Variants in SIL1 observed in about 807,000 individuals in gnomAD.
SIL1 encodes the protein nucleotide exchange factor SIL1.
Under a neutral mutation model 49.1 loss-of-function variants are expected in SIL1, and 40 were observed. The ratio of observed to expected loss-of-function variants is 0.81; its 90% confidence interval spans 0.63 to 1.06. The LOEUF (loss-of-function observed/expected upper bound fraction) is 1.06, where lower values mean the gene tolerates loss of function less well. Ranked by LOEUF, SIL1 falls within the 50% of genes least tolerant of loss-of-function variation. The pLI is 0.00. For missense variants in SIL1, 500 were observed against 572.6 expected (o/e 0.87, Z 1.29); for synonymous variants, 253 against 250.8 (o/e 1.01, Z -0.08).
At chr5:139,051,163 G>A in intron 3 of SIL1, 117 bp from the exon 4 acceptor site, 1 of 859,652 alleles carries the variant, frequency 1.2e-6, no homozygotes, top group Non-Finnish European at 2.0e-6. Context: ...GCTGTGTTCA[G>A]TTACCTCCTC....
intron 3 of SIL1, among the ~76,000 whole-genome samples, chr5:139,088,795 C>T (rs1476451140): frequency 6.6e-6 from 1 of 152,170 alleles, no homozygotes; most frequent in Non-Finnish European, 1.5e-5. Context: ...AAAAACCTAA[C>T]CATTTTAGCC....
At chr5:138,987,860 G>C (rs532675440) in intron 7 of SIL1, among the ~76,000 whole-genome samples, 1 of 152,238 alleles carries the variant, frequency 6.6e-6, no homozygotes, top group Non-Finnish European at 1.5e-5. Flanking sequence ...TTTGAGACAA[G>C]AGTTTTGCTC....
chr5:139,063,394 T>A (rs768717213), intron 3 of SIL1, among the ~76,000 whole-genome samples: 3 of 152,166 alleles, frequency 2.0e-5, no homozygotes, highest in Non-Finnish European at 4.4e-5. Context: ...TGGAGACCCA[T>A]CCTGGGCATC....
In SIL1 at chr5:139,031,088, C is replaced by G. The variant is rs1483476373; in HGVS notation, c.454-4096G>C. On this transcript the variant is annotated intron_variant, in intron 5 of 9. Transcript: ENST00000394817. ...GTAGTTTATCTTCTGATCATCTTAA[C>G]AGGGTATTTGACAAAACAAAACTTT... 2.0e-5 allele frequency among the ~76,000 whole-genome samples: 3 copies of G among 152,216 alleles called. No individual in the cohort carries two copies. In the East Asian group the frequency reaches 5.8e-4, roughly 29 times the overall value.
intron 3 of SIL1, among the ~76,000 whole-genome samples, chr5:139,073,631 C>T (rs1020472315): frequency 7.9e-5 from 12 of 152,248 alleles, no homozygotes; most frequent in South Asian, 2.1e-4. Flanking sequence ...TATTGTATAA[C>T]ATGGTAACTA....
At chr5:139,164,666 A>AT (rs1751581281) in intron 1 of SIL1, among the ~76,000 whole-genome samples, 1 of 152,208 alleles carries the variant, frequency 6.6e-6, no homozygotes, top group Admixed American at 6.5e-5. Flanking sequence ...GGAGGTGGGT[A>AT]TCAGTACACA....
intron 5 of SIL1, among the ~76,000 whole-genome samples, chr5:139,031,433 G>C (rs887954105): frequency 3.3e-5 from 5 of 151,720 alleles, no homozygotes; most frequent in Non-Finnish European, 4.4e-5. Context: ...TATTAGTGTG[G>C]GTCTATTTCT....
At chr5:139,164,115 T>TC (rs1453829140) in intron 1 of SIL1, among the ~76,000 whole-genome samples, 51 of 55,664 alleles carry the variant, frequency 9.2e-4, no homozygotes, top group African/African-American at 4.9e-3. Flanking sequence ...AGAGAATGTC[T>TC]CAAAAAAAAA....
intron 4 of SIL1, 137 bp from the exon 5 acceptor site, chr5:139,042,856 T>G: frequency 5.1e-6 from 4 of 791,266 alleles, no homozygotes; most frequent in Non-Finnish European, 8.7e-6. Flanking sequence ...AAAATATTAG[T>G]TAGGATGTGA....
intron 7 of SIL1, among the ~76,000 whole-genome samples, chr5:139,010,352 T>A (rs1405906318): frequency 2.7e-4 from 40 of 150,102 alleles, no homozygotes; most frequent in Non-Finnish European, 3.7e-4. Flanking sequence ...GTTATTCTAG[T>A]TATACATTCT....
chr5:139,061,625 A>G (rs1413540958), intron 3 of SIL1, among the ~76,000 whole-genome samples: 1 of 152,248 alleles, frequency 6.6e-6, no homozygotes, highest in Admixed American at 6.5e-5. Flanking sequence ...AATGTGCTAC[A>G]TTGTTGTGAA....
rs541898714 is a variant in SIL1 at position 139,136,494 on chromosome 5, T to C, written c.-10-8641A>G. On this transcript the variant is annotated intron_variant, in intron 1 of 9. Coordinates refer to ENST00000394817, the MANE Select transcript of SIL1 (RefSeq NM_022464.5). ...CGGACCAAGCATAGTCTTCAACTCA[T>C]GGCTGCACGTTAGGAAAAGGGAGCA... Among the ~76,000 whole-genome samples, 82 of 152,186 alleles carry C rather than the reference T, an allele frequency of 5.4e-4. 1 individual carries two copies. Among genetic ancestry groups the C allele is most frequent in the Admixed American group, 1.0e-3 (16 of 15,276 alleles).
At chr5:139,140,644 T>C (rs577062266) in intron 1 of SIL1, among the ~76,000 whole-genome samples, 27 of 152,252 alleles carry the variant, frequency 1.8e-4, no homozygotes, top group African/African-American at 6.3e-4. Flanking sequence ...ACTCACGGCT[T>C]TCACAATCCC....
intron 7 of SIL1, among the ~76,000 whole-genome samples, chr5:138,984,913 T>C (rs1767620429): frequency 6.6e-6 from 1 of 152,178 alleles, no homozygotes; most frequent in South Asian, 2.1e-4. Flanking sequence ...CAGGCGCTAT[T>C]CTTCACAAAG....
At chr5:138,983,141 G>A (rs948730955) in intron 7 of SIL1, among the ~76,000 whole-genome samples, 2 of 131,442 alleles carry the variant, frequency 1.5e-5, no homozygotes, top group African/African-American at 2.9e-5. Flanking sequence ...AGAGGGTGCA[G>A]TGAGCCAAGA....
intron 3 of SIL1, among the ~76,000 whole-genome samples, chr5:139,092,290 A>G (rs1478602367): frequency 6.6e-6 from 1 of 152,194 alleles, no homozygotes; most frequent in Non-Finnish European, 1.5e-5. Flanking sequence ...GATGACCTTG[A>G]AAAAGGTAGG....
chr5:139,037,219 C>T (rs1486420857), intron 5 of SIL1, among the ~76,000 whole-genome samples: 1 of 151,896 alleles, frequency 6.6e-6, no homozygotes, highest in Non-Finnish European at 1.5e-5. Flanking sequence ...TCATTGTTCC[C>T]CTATAGTTGT....
intron 1 of SIL1, among the ~76,000 whole-genome samples, chr5:139,179,929 TG>T (rs952713114): frequency 1.3e-5 from 2 of 151,990 alleles, no homozygotes; most frequent in Admixed American, 1.3e-4. Context: ...TGGTGGCACA[TG>T]ACTGTAGTCC....
intron 7 of SIL1, among the ~76,000 whole-genome samples, chr5:139,001,015 C>A (rs1022819351): frequency 6.6e-6 from 1 of 151,844 alleles, no homozygotes. Flanking sequence ...ACACAAAAAC[C>A]TACATAATCC....
Sources: gnomAD v4.1 joint callset for allele counts (sites outside exome capture counted in the v4.1 genomes callset) on GRCh38, gnomAD v4.1.1 for gene constraint, MANE v1.5 for transcripts, NCBI Gene and HGNC (gene_info 2026-07-23, HGNC 2026-07-21) for gene names.